The following LRP1 variants were observed in gnomAD, a reference collection of about 807,000 sequenced individuals.
LRP1 encodes the protein LDL receptor related protein 1.
A neutral mutation model predicts 541.5 loss-of-function variants in LRP1; 51 were observed. The ratio of observed to expected loss-of-function variants is 0.09; its 90% CI spans 0.08 to 0.12. LRP1 has a LOEUF of 0.12. LRP1 is among the 10% of genes least tolerant of loss of function. The pLI is 1.00. For synonymous variants in LRP1, 2,219 were observed against 2,470.8 expected (o/e 0.90, Z 3.02); for missense variants, 3,878 against 6,376.2 (o/e 0.61, Z 13.34).
In LRP1 at chr12:57,205,053, G is replaced by A. The variant is rs148145634; in HGVS notation, c.11195-56G>A. On this transcript the variant is annotated intron_variant, in intron 72 of 88. Coordinates refer to ENST00000243077, the MANE Select transcript of LRP1 (RefSeq NM_002332.3). This position sits in a 1 kb window ranked among gnomAD's most constrained non-coding sequence, Gnocchi z 4.6. ...AGCCACTGTTATCTATGGGGTTGCCGTGGGAGGAGGAGGCAGGGGAGAATA... is the reference window on the plus strand; with the variant it reads ...AGCCACTGTTATCTATGGGGTTGCCATGGGAGGAGGAGGCAGGGGAGAATA... 382 of 1,560,670 alleles carry A rather than the reference G, an allele frequency of 2.4e-4. 3 individuals are homozygous for A. The East Asian group carries it at 7.9e-3, about 32-fold the overall frequency.
intron 6 of LRP1, among the ~76,000 whole-genome samples, chr12:57,148,559 G>C (rs1042941994): frequency 6.6e-6 from 1 of 152,058 alleles, no homozygotes; most frequent in African/African-American, 2.4e-5. Context: ...GCAGTCTACC[G>C]ACCCCAGCCC....
intron 4 of LRP1, 121 bp downstream of exon 4, chr12:57,143,919 G>A: frequency 7.6e-7 from 1 of 1,321,442 alleles, no homozygotes; most frequent in Non-Finnish European, 1.0e-6. Context: ...GAAGGTGCAA[G>A]AGAGGGGGTG....
rs1196732920 is a variant in LRP1, at chr12:57,206,698, A to G, written c.11816A>G (p.Asn3939Ser). The change falls in exon 76 of 89, where the codon AAC becomes AGC. Residue 3939 changes from asparagine to serine, a missense_variant. Around this residue, in one of 13 missense-constraint regions of LRP1, gnomAD observed 871 missense variants for 1,212.4 expected, o/e 0.72. Transcript: ENST00000243077. The surrounding 1 kb of genome is among the most constrained non-coding windows in gnomAD (Gnocchi z 4.7). ...CCTGCTGCGCCTCCTACCACTTCCA[A>G]CCGCCACCGGCGACAGATTGACCGG... The part of the protein sequence containing the change: ...LPPAAPPTTS[N>S]RHRRQIDRGV... 1.9e-6 allele frequency: 3 copies of G among 1,613,156 alleles called. No individual in the cohort carries two copies. The highest frequency in any genetic ancestry group is 2.7e-5 in the African/African-American group (2 of 74,872).
chr12:57,184,794 A>G lies in LRP1; in HGVS notation c.6187-45A>G. 2 of 1,583,612 alleles carry G rather than the reference A, an allele frequency of 1.3e-6. No homozygotes were observed. Among genetic ancestry groups the G allele is most frequent in the Non-Finnish European group, 1.7e-6 (2 of 1,159,918 alleles). ...CTGCTGCCCCAGACATGGGGCTGGC[A>G]GCGAGCTCAGCCCTGGAGGTGAGGT... On this transcript the variant is annotated intron_variant, in intron 38 of 88. Transcript: ENST00000243077. The surrounding 1 kb of genome is among the most constrained non-coding windows in gnomAD (Gnocchi z 7.8).
At chr12:57,157,687 G>T (rs996176510) in intron 10 of LRP1, among the ~76,000 whole-genome samples, 7 of 152,220 alleles carry the variant, frequency 4.6e-5, no homozygotes, top group Non-Finnish European at 1.0e-4. Context: ...CTGAGGATGT[G>T]GTGTTTGAGC....
In LRP1 at chr12:57,179,167, G is replaced by A; in HGVS notation, c.4738+146G>A. 3 of 1,289,996 alleles carry A rather than the reference G, an allele frequency of 2.3e-6. No homozygotes were observed. The highest frequency in any genetic ancestry group is 2.1e-6 in the Non-Finnish European group (2 of 939,790). The allele number at this position is 1,289,996 out of a possible 1,614,324, so 79.9% of individuals were successfully genotyped here. A position where few individuals can be genotyped will look rare whatever the true frequency, so the allele number is the denominator to read the frequency against. ...CTCCAGAGACAGCCACTGTGAGAAG[G>A]GGCTGCAGGTCTGCCAGGGGGGCTG... is the stretch of plus-strand genomic sequence containing the variant. On this transcript the variant is annotated intron_variant, in intron 28 of 88. Transcript: ENST00000243077. This position sits in a 1 kb window ranked among gnomAD's most constrained non-coding sequence, Gnocchi z 6.8.
At chr12:57,208,429 A>T (rs1026884683) in intron 77 of LRP1, 6 of 615,428 alleles carry the variant, frequency 9.7e-6, no homozygotes, top group Non-Finnish European at 1.7e-5. Flanking sequence ...TTGGGCAGGG[A>T]TCTGACCTCT....
chr12:57,145,438 C>T lies in LRP1; in HGVS notation c.789C>T (p.Gly263=). Reference sequence around the variant, plus strand: ...AGCTCAAGTGTGCCCGCATGCCTGGCCTAAAGGGCTTCGTGGATGAGCACA... The same window carrying T: ...AGCTCAAGTGTGCCCGCATGCCTGGTCTAAAGGGCTTCGTGGATGAGCACA... The part of the protein sequence containing the change: ...QTQLKCARMP[G]LKGFVDEHTI... Residue 263 remains glycine, a synonymous_variant, in exon 6 of 89, where the codon GGC becomes GGT. Transcript: ENST00000243077. 1 of 1,614,098 alleles carries T rather than the reference C, an allele frequency of 6.2e-7. No homozygotes were observed. Among genetic ancestry groups the T allele is most frequent in the South Asian group, 1.1e-5 (1 of 91,082 alleles).
rs1381139726 is a variant in LRP1, at chr12:57,154,814, G to A, written c.1227+113G>A. 1 of 960,612 alleles carries A rather than the reference G, an allele frequency of 1.0e-6. No individual in the cohort carries two copies. The highest frequency in any genetic ancestry group is 2.0e-5 in the Admixed American group (1 of 50,140). 59.5% of individuals were successfully genotyped at this position (960,612 alleles called of 1,614,324 possible). On this transcript the variant is annotated intron_variant, in intron 8 of 88. Transcript: ENST00000243077. This position sits in a 1 kb window ranked among gnomAD's most constrained non-coding sequence, Gnocchi z 4.6. ...CTCTGAGTCTCCTGGTAAAGAGCGT[G>A]GATGCCCCAGGCCTCTAGTGGGAGT...
rs1555185616 is a variant in LRP1, at chr12:57,185,749, G to A, written c.6682G>A (p.Glu2228Lys). 6.2e-7 allele frequency: 1 copy of A among 1,614,190 alleles called. No homozygotes were observed. Among genetic ancestry groups the A allele is most frequent in the Non-Finnish European group, 8.5e-7 (1 of 1,180,020 alleles). ...RNLNAPVQPF[E>K]DPEHMKNVIA... ...CCTCAATGCGCCCGTGCAGCCCTTC[G>A]AGGACCCTGAGCACATGAAGAACGT... The change falls in exon 41 of 89, where the codon GAG becomes AAG. Residue 2228 changes from glutamate to lysine, a missense_variant. This residue lies in a region of LRP1 where 1,100 missense variants were observed against 1,827.4 expected (regional missense o/e 0.60). Coordinates refer to ENST00000243077, the MANE Select transcript of LRP1 (RefSeq NM_002332.3). The surrounding 1 kb of genome is among the most constrained non-coding windows in gnomAD (Gnocchi z 4.9).
In LRP1 at chr12:57,160,888, C is replaced by T; in HGVS notation, c.1980-5C>T. On this transcript the variant is annotated splice_region_variant and splice_polypyrimidine_tract_variant and intron_variant, in intron 12 of 88. Transcript: ENST00000243077. ...CAGGTGATGCTGACCAGTCGCTGCC[C>T]ACAGGTGGATGTACTGGACAGACTG... 1 of 1,612,460 alleles carries T rather than the reference C, an allele frequency of 6.2e-7. No homozygotes were observed. Among genetic ancestry groups the T allele is most frequent in the Non-Finnish European group, 8.5e-7 (1 of 1,179,198 alleles).
intron 6 of LRP1, chr12:57,147,526 C>T (rs555420012): frequency 1.3e-5 from 2 of 152,346 alleles, no homozygotes; most frequent in South Asian, 4.1e-4. Context: ...ACTCTGCCCT[C>T]CAGGGCAGCC....
rs1485706528 is a variant in LRP1 at position 57,179,981 on chromosome 12, G to A, written c.5141+25G>A. 2 of 1,613,954 alleles carry A rather than the reference G, an allele frequency of 1.2e-6. No homozygotes were observed. Among genetic ancestry groups the A allele is most frequent in the Admixed American group, 1.7e-5 (1 of 60,026 alleles). On this transcript the variant is annotated intron_variant, in intron 30 of 88. Transcript: ENST00000243077. The surrounding 1 kb of genome is among the most constrained non-coding windows in gnomAD (Gnocchi z 6.8). ...GGTCAGTCTAGGGCCCAGGGCCGGG[G>A]AGCATGGGGTGTGGGGCTGGGAAGA...
At position 57,202,497 on chromosome 12, in the gene LRP1, C is replaced by T. The variant is rs540380681; in HGVS notation, c.10671C>T (p.Tyr3557=). ...RCVPGRWQCD[Y]DNDCGDNSDE... ...TGCCCGGCCGCTGGCAGTGCGACTA[C>T]GACAACGATTGCGGTGACAACTCCG... The change falls in exon 68 of 89, where the codon TAC becomes TAT. Residue 3557 remains tyrosine, a synonymous_variant. Transcript: ENST00000243077. 2.3e-5 allele frequency: 37 copies of T among 1,613,526 alleles called. No individual in the cohort carries two copies. Among genetic ancestry groups the T allele is most frequent in the East Asian group, 4.5e-5 (2 of 44,878 alleles).
At position 57,165,399 on chromosome 12, in the gene LRP1, G is replaced by C. The variant is rs892547168; in HGVS notation, c.2531-406G>C. 2 of 174,854 alleles carry C rather than the reference G, an allele frequency of 1.1e-5. No individual in the cohort carries two copies. The highest frequency in any genetic ancestry group is 2.5e-5 in the Non-Finnish European group (2 of 81,042). 10.8% of individuals were successfully genotyped at this position (174,854 alleles called of 1,614,324 possible). ...GTGCCATCTTCACTTCTGCTGGTGG[G>C]ACCGATGAAACTGTGAAATAAAAAG... On this transcript the variant is annotated intron_variant, in intron 15 of 88. Coordinates refer to ENST00000243077, the MANE Select transcript of LRP1 (RefSeq NM_002332.3). This position sits in a 1 kb window ranked among gnomAD's most constrained non-coding sequence, Gnocchi z 4.5.
Position 57,154,775 on chromosome 12 carries a change from G to A in LRP1, c.1227+74G>A, listed in dbSNP as rs753785002. ...CCTTCTGGTGAGGGGGGAAGCCTCT[G>A]TAGGGGAACCGTTCTCTGAGTCTCC... On this transcript the variant is annotated intron_variant, in intron 8 of 88. Coordinates refer to ENST00000243077, the MANE Select transcript of LRP1 (RefSeq NM_002332.3). The surrounding 1 kb of genome is among the most constrained non-coding windows in gnomAD (Gnocchi z 4.6). 10 of 1,353,840 alleles carry A rather than the reference G, an allele frequency of 7.4e-6. No homozygotes were observed. Among genetic ancestry groups the A allele is most frequent in the African/African-American group, 5.8e-5 (4 of 69,000 alleles). 83.9% of individuals were successfully genotyped at this position (1,353,840 alleles called of 1,614,324 possible).
intron 6 of LRP1, among the ~76,000 whole-genome samples, chr12:57,147,225 C>T (rs1252193181): frequency 3.9e-5 from 6 of 152,060 alleles, no homozygotes; most frequent in Admixed American, 3.9e-4. Flanking sequence ...TCCTCCCTGC[C>T]CTCCCCCTGC....
At chr12:57,147,085 T>C (rs1370909704) in intron 6 of LRP1, among the ~76,000 whole-genome samples, 1 of 151,770 alleles carries the variant, frequency 6.6e-6, no homozygotes, top group East Asian at 1.9e-4. Flanking sequence ...GGCAAACAGA[T>C]TTGCCTTGCC....
At chr12:57,161,857 A>C (rs1033046165) in intron 13 of LRP1, among the ~76,000 whole-genome samples, 1 of 152,164 alleles carries the variant, frequency 6.6e-6, no homozygotes, top group South Asian at 2.1e-4. Flanking sequence ...TGGGAAGCTC[A>C]AGGGCAGAGA....
Sources: allele counts gnomAD v4.1 joint callset (sites outside exome capture counted in the v4.1 genomes callset), GRCh38; gene constraint gnomAD v4.1.1; regional missense constraint gnomAD v4.1.1; non-coding constraint Gnocchi (gnomAD v3.1); transcripts MANE v1.5; gene names NCBI Gene and HGNC (gene_info 2026-07-23, HGNC 2026-07-21).